The following TXLNB variants were observed in gnomAD, a reference collection of about 807,000 sequenced individuals.
TXLNB encodes beta-taxilin.
Under a neutral mutation model 57.4 loss-of-function variants are expected in TXLNB, and 37 were observed. The ratio of observed to expected loss-of-function variants is 0.64; its 90% CI spans 0.50 to 0.85. The LOEUF is 0.85. TXLNB is among the 40% of genes least tolerant of loss of function. The pLI, the probability that TXLNB is intolerant of heterozygous loss-of-function variation, is 0.00. For missense variants in TXLNB, 848 were observed against 825.6 expected (o/e 1.03, Z -0.33); for synonymous variants, 302 against 309.6 (o/e 0.98, Z 0.26).
the TXLNB span, among the ~76,000 whole-genome samples, chr6:139,210,826 G>T: frequency 7.4e-3 from 1,130 of 152,372 alleles, 13 homozygotes; most frequent in African/African-American, 0.026. Flanking sequence ...GGCACACCAG[G>T]AGATTATATC....
the TXLNB span, among the ~76,000 whole-genome samples, chr6:139,163,542 TG>T: frequency 6.6e-6 from 1 of 151,990 alleles, no homozygotes; most frequent in African/African-American, 2.4e-5. Context: ...TTAGTAGAGA[TG>T]GGGTTTCATC....
intron 2 of TXLNB, among the ~76,000 whole-genome samples, chr6:139,281,844 GGCCCTGGAGTTCT>G (rs1562287855): frequency 8.5e-6 from 1 of 117,248 alleles, no homozygotes; most frequent in Admixed American, 7.6e-5. Flanking sequence ...CACCGCGCCC[GGCCCTGGAGTTCT>G]TATTAGGTCA....
At chr6:139,279,091 A>G (rs1776979020) in intron 2 of TXLNB, among the ~76,000 whole-genome samples, 1 of 152,200 alleles carries the variant, frequency 6.6e-6, no homozygotes, top group Non-Finnish European at 1.5e-5. Flanking sequence ...TAGAGGAAAA[A>G]CAGGTCTTAC....
chr6:139,315,423 A>C, the TXLNB span, among the ~76,000 whole-genome samples: 1 of 152,226 alleles, frequency 6.6e-6, no homozygotes, highest in Admixed American at 6.5e-5. Flanking sequence ...CCCATTGGGC[A>C]GTTACATTGT....
downstream of TXLNB, among the ~76,000 whole-genome samples, chr6:139,238,402 G>GA (rs1448835278): frequency 6.6e-5 from 10 of 151,954 alleles, no homozygotes; most frequent in Non-Finnish European, 4.4e-5. Context: ...TCACAAAAAA[G>GA]AAAAAAGAAA....
chr6:139,211,751 T>A, the TXLNB span, among the ~76,000 whole-genome samples: 3 of 152,010 alleles, frequency 2.0e-5, no homozygotes, highest in African/African-American at 7.3e-5. Context: ...GACGAATGGA[T>A]AACTAGAATA....
chr6:139,255,493 C>T, intron 7 of TXLNB, 71 bp downstream of exon 7: 1 of 1,355,480 alleles, frequency 7.4e-7, no homozygotes, highest in Non-Finnish European at 1.1e-6. Context: ...CTGCTGCCCA[C>T]CTTTGGCCCC....
chr6:139,196,358 A>T, the TXLNB span, among the ~76,000 whole-genome samples: 2 of 135,596 alleles, frequency 1.5e-5, no homozygotes, highest in Non-Finnish European at 3.1e-5. Flanking sequence ...CTGTATCTCC[A>T]GATCTGGTTT....
rs1031925986 is a variant in TXLNB, at chr6:139,288,519, G to A, written c.381C>T (p.Ser127=). Reference sequence around the variant, plus strand: ...TCTTTTCCAATTTTTGCTCCTTATTGCTGACGGGCTCTTTGACAGTGGGTG... The same window carrying A: ...TCTTTTCCAATTTTTGCTCCTTATTACTGACGGGCTCTTTGACAGTGGGTG... The part of the protein sequence containing the change: ...GEPPTVKEPV[S]NKEQKLEKKI... The change falls in exon 2 of 10, where the codon AGC becomes AGT. Residue 127 remains serine (S), a synonymous_variant. Coordinates refer to ENST00000358430, the MANE Select transcript of TXLNB (RefSeq NM_153235.4). 1.6e-5 allele frequency: 26 copies of A among 1,613,960 alleles called. No individual in the cohort carries two copies. Among genetic ancestry groups the A allele is most frequent in the Non-Finnish European group, 2.1e-5 (25 of 1,180,028 alleles).
the TXLNB span, among the ~76,000 whole-genome samples, chr6:139,232,153 G>A: frequency 6.6e-6 from 1 of 152,314 alleles, no homozygotes; most frequent in East Asian, 1.9e-4. Flanking sequence ...ACTGGACATG[G>A]GGAAGCTTCA....
the TXLNB span, among the ~76,000 whole-genome samples, chr6:139,184,119 C>G: frequency 6.6e-6 from 1 of 152,160 alleles, no homozygotes; most frequent in African/African-American, 2.4e-5. Context: ...ATGTTTGCTA[C>G]TTTGTCTCCT....
the TXLNB span, among the ~76,000 whole-genome samples, chr6:139,187,979 G>A: frequency 6.6e-6 from 1 of 152,170 alleles, no homozygotes. Flanking sequence ...ATTTCTGGAA[G>A]CATTCTTATG....
downstream of TXLNB, among the ~76,000 whole-genome samples, chr6:139,239,857 C>G (rs1377894881): frequency 4.0e-5 from 6 of 151,346 alleles, no homozygotes; most frequent in African/African-American, 1.2e-4. The surrounding 1 kb of genome is among the most constrained non-coding windows in gnomAD (Gnocchi z 4.7). Flanking sequence ...CTCTGTCTCT[C>G]TCTGTCTGTC....
At chr6:139,166,135 C>A in the TXLNB span, 1 of 657,686 alleles carries the variant, frequency 1.5e-6, no homozygotes. Flanking sequence ...CCCTGGTTCA[C>A]TGGAGTGATT....
chr6:139,239,349 C>G (rs767125163), downstream of TXLNB: 1 of 152,214 alleles, frequency 6.6e-6, no homozygotes, highest in East Asian at 1.9e-4. This position sits in a 1 kb window ranked among gnomAD's most constrained non-coding sequence, Gnocchi z 4.7. Flanking sequence ...AACGTGGTCT[C>G]GTGGGAGGTT....
chr6:139,176,848 C>T, the TXLNB span: 2 of 745,392 alleles, frequency 2.7e-6, no homozygotes, highest in Non-Finnish European at 4.7e-6. The surrounding 1 kb of genome is among the most constrained non-coding windows in gnomAD (Gnocchi z 4.5). Flanking sequence ...TTGCAAAGCC[C>T]TTGATCAGTT....
chr6:139,303,246 G>A, the TXLNB span, among the ~76,000 whole-genome samples: 1 of 152,136 alleles, frequency 6.6e-6, no homozygotes, highest in Non-Finnish European at 1.5e-5. Context: ...TCAAAAGCCT[G>A]AGTTTCCATG....
the TXLNB span, among the ~76,000 whole-genome samples, chr6:139,323,940 G>C: frequency 6.6e-6 from 1 of 152,140 alleles, no homozygotes; most frequent in African/African-American, 2.4e-5. Context: ...CTGTGGTCAG[G>C]GTTTGGAAAG....
downstream of TXLNB, chr6:139,239,325 G>C (rs1396841360): frequency 6.6e-6 from 1 of 152,262 alleles, no homozygotes; most frequent in Non-Finnish European, 1.5e-5. This position sits in a 1 kb window ranked among gnomAD's most constrained non-coding sequence, Gnocchi z 4.7. Context: ...ACGCACGGCA[G>C]AGAAGCCTGT....
Sources: gnomAD v4.1 joint callset for allele counts (sites outside exome capture counted in the v4.1 genomes callset) on GRCh38, gnomAD v4.1.1 for gene constraint, Gnocchi (gnomAD v3.1) non-coding constraint, MANE v1.5 for transcripts, NCBI Gene and HGNC (gene_info 2026-07-23, HGNC 2026-07-21) for gene names.